RNLS: variants seen among roughly 807,000 people sequenced by gnomAD.
The protein encoded by RNLS is renalase.
A neutral mutation model predicts 39.8 loss-of-function variants in RNLS; 39 were observed. The ratio of observed to expected loss-of-function variants is 0.98; its 90% CI spans 0.76 to 1.28. RNLS has a LOEUF of 1.28. RNLS is among the 50% of genes most tolerant of loss of function. The probability of loss-of-function intolerance (pLI) is 0.00; values close to 1 mark genes in which losing one functional copy is unlikely to be tolerated. For missense variants in RNLS, 410 were observed against 413.3 expected, an observed-to-expected ratio of 0.99 and a Z score of 0.07; for synonymous variants, 147 against 150.7, an observed-to-expected ratio of 0.98 and a Z score of 0.18.
chr10:88,501,037 GTA>G (rs1282363955), intron 4 of RNLS, among the ~76,000 whole-genome samples: 1 of 150,832 alleles, frequency 6.6e-6, no homozygotes. Flanking sequence ...GTGTGTGTGT[GTA>G]TATATGTACA....
rs577838661 is a variant in RNLS, at chr10:88,310,801, CAAAAAAAAAAA to C, written c.876+3654_876+3664del. On this transcript the variant is annotated intron_variant, in intron 6 of 6. Coordinates refer to ENST00000331772, the MANE Select transcript of RNLS (RefSeq NM_001031709.3). Reference sequence around the variant, plus strand: ...TGACAGATTTAGAGCCTACCTCTGCCAAAAAAAAAAAAAAAAAAAAAAAAAAGAAAGAAAAG... The same window carrying C: ...TGACAGATTTAGAGCCTACCTCTGCCAAAAAAAAAAAAAAAGAAAGAAAAG... 3.9e-3 allele frequency among the ~76,000 whole-genome samples: 76 copies of C among 19,596 alleles called. 1 individual carries two copies. The highest frequency in any genetic ancestry group is 0.014 in the African/African-American group (69 of 5,014). The allele number at this position is 19,596 out of a possible 152,430, so 12.9% of individuals were successfully genotyped here.
intron 4 of RNLS, among the ~76,000 whole-genome samples, chr10:88,570,537 G>T (rs763937886): frequency 3.9e-5 from 6 of 152,192 alleles, no homozygotes; most frequent in Non-Finnish European, 8.8e-5. Context: ...TTCTCTTCAT[G>T]GCAGTACCTA....
the RNLS span, among the ~76,000 whole-genome samples, chr10:88,173,345 G>C: frequency 6.6e-6 from 1 of 152,136 alleles, no homozygotes; most frequent in Non-Finnish European, 1.5e-5. Context: ...TGGTCTACAT[G>C]TCTGTTTCTG....
chr10:88,209,022 C>T, the RNLS span, among the ~76,000 whole-genome samples: 12 of 152,218 alleles, frequency 7.9e-5, no homozygotes, highest in Admixed American at 2.6e-4. Flanking sequence ...TTAAATTAAT[C>T]GGATAGCTTT....
chr10:88,401,142 T>G (rs1852892005), intron 4 of RNLS, among the ~76,000 whole-genome samples: 1 of 151,966 alleles, frequency 6.6e-6, no homozygotes, highest in African/African-American at 2.4e-5. Flanking sequence ...AATTTCACCT[T>G]TAGGAAAGAC....
intron 4 of RNLS, among the ~76,000 whole-genome samples, chr10:88,537,547 T>C (rs1847825719): frequency 6.6e-6 from 1 of 152,168 alleles, no homozygotes; most frequent in South Asian, 2.1e-4. Flanking sequence ...TAACTACGTG[T>C]AACATTAAGA....
intron 4 of RNLS, among the ~76,000 whole-genome samples, chr10:88,544,021 CG>C (rs1200458815): frequency 6.6e-6 from 1 of 152,174 alleles, no homozygotes; most frequent in Non-Finnish European, 1.5e-5. Context: ...AAGGAACCCT[CG>C]CTCAGGCTCA....
At chr10:88,360,729 CA>C (rs1849577692) in intron 5 of RNLS, among the ~76,000 whole-genome samples, 1 of 152,158 alleles carries the variant, frequency 6.6e-6, no homozygotes. Flanking sequence ...GGAACAGAGC[CA>C]GTGATAGTTC....
chr10:88,384,456 C>G (rs917901159), intron 4 of RNLS, among the ~76,000 whole-genome samples: 1 of 152,192 alleles, frequency 6.6e-6, no homozygotes, highest in Non-Finnish European at 1.5e-5. Context: ...AGCCACACAA[C>G]CTAGGCTTTG....
At chr10:88,254,234 A>G in the RNLS span, among the ~76,000 whole-genome samples, 1 of 152,166 alleles carries the variant, frequency 6.6e-6, no homozygotes, top group Non-Finnish European at 1.5e-5. Context: ...CAATGAAGCG[A>G]GCCCCCAGGG....
At chr10:88,452,654 C>G (rs1195246451) in intron 4 of RNLS, among the ~76,000 whole-genome samples, 1 of 152,146 alleles carries the variant, frequency 6.6e-6, no homozygotes, top group Non-Finnish European at 1.5e-5. Flanking sequence ...AATGCTTCAT[C>G]TAGATAACAC....
Position 88,354,548 on chromosome 10 carries a change from C to T in RNLS, c.700+8004G>A, listed in dbSNP as rs547738009. ...TTAAGAATGTTGAATATTGGCCCCC[C>T]CTCTCTTCTGGCTTGTAATTTCTGC... is the stretch of plus-strand genomic sequence containing the variant. On this transcript the variant is annotated intron_variant, in intron 5 of 6. Transcript: ENST00000331772. Among the ~76,000 whole-genome samples, 3 of 152,114 alleles carry T rather than the reference C, an allele frequency of 2.0e-5. No homozygotes were observed. The East Asian group carries it at 5.8e-4, about 29-fold the overall frequency.
the RNLS span, among the ~76,000 whole-genome samples, chr10:88,266,201 G>C: frequency 7.3e-4 from 111 of 152,266 alleles, no homozygotes; most frequent in African/African-American, 2.6e-3. Flanking sequence ...GTCACTTCTA[G>C]GCAGGCTCAC....
At chr10:88,303,246 T>A (rs962228237) in intron 6 of RNLS, among the ~76,000 whole-genome samples, 1 of 152,332 alleles carries the variant, frequency 6.6e-6, no homozygotes, top group African/African-American at 2.4e-5. Flanking sequence ...GGAGCCCAGA[T>A]GGTTTGGTGC....
the RNLS span, among the ~76,000 whole-genome samples, chr10:88,243,943 G>A: frequency 1.7e-4 from 26 of 152,324 alleles, no homozygotes; most frequent in Middle Eastern, 3.4e-3. Context: ...CAGCAGCTGC[G>A]TTTGGCCTGG....
At chr10:88,436,200 T>C (rs146606688) in intron 4 of RNLS, among the ~76,000 whole-genome samples, 3 of 152,242 alleles carry the variant, frequency 2.0e-5, no homozygotes, top group Admixed American at 2.0e-4. Context: ...GTTGGTGTTG[T>C]GGGCTCATTC....
chr10:88,440,656 T>C (rs1368754660), intron 4 of RNLS, among the ~76,000 whole-genome samples: 2 of 152,292 alleles, frequency 1.3e-5, no homozygotes, highest in East Asian at 3.9e-4. Context: ...TATCTTCTGG[T>C]AGCAATGAGG....
intron 5 of RNLS, among the ~76,000 whole-genome samples, chr10:88,355,829 G>A (rs530760320): frequency 6.6e-6 from 1 of 152,338 alleles, no homozygotes; most frequent in South Asian, 2.1e-4. Flanking sequence ...ACAGAGGCAG[G>A]CAGGCCTCCT....
At chr10:88,372,483 C>G (rs1589675154) in intron 4 of RNLS, among the ~76,000 whole-genome samples, 1 of 152,242 alleles carries the variant, frequency 6.6e-6, no homozygotes, top group African/African-American at 2.4e-5. Context: ...TGCTGCTTTA[C>G]AAACTACCCA....
Sources: gnomAD v4.1 joint callset for allele counts (sites outside exome capture counted in the v4.1 genomes callset) on GRCh38, gnomAD v4.1.1 for gene constraint, MANE v1.5 for transcripts, NCBI Gene and HGNC (gene_info 2026-07-23, HGNC 2026-07-21) for gene names.